The following TPCN1 variants were observed in gnomAD, a reference collection of about 807,000 sequenced individuals.
TPCN1 encodes two pore segment channel 1.
Under a neutral mutation model 108.8 loss-of-function variants are expected in TPCN1, and 52 were observed. The ratio of observed to expected loss-of-function variants is 0.48; its 90% CI spans 0.38 to 0.60. The LOEUF (loss-of-function observed/expected upper bound fraction) is 0.60. Ranked by LOEUF, TPCN1 falls within the 20% of genes least tolerant of loss-of-function variation. TPCN1 has a pLI of 0.00. For synonymous variants in TPCN1, 446 were observed against 433.7 expected (o/e 1.03, Z -0.35); for missense variants, 806 against 1,072.8 (o/e 0.75, Z 3.47).
rs1439081131 is a variant in TPCN1 at position 113,296,313 on chromosome 12, A to T, written c.*237A>T. On this transcript the variant is annotated 3_prime_UTR_variant, in exon 28 of 28. Coordinates refer to ENST00000335509, the MANE Select transcript of TPCN1 (RefSeq NM_017901.6). ...CGGCCACCAGGTCTGAGCTCTTCCT[A>T]CTGTGGAAGGCTCCAGAAGGCCCTT... 1.8e-6 allele frequency: 1 copy of T among 541,856 alleles called. No homozygotes were observed. The highest frequency in any genetic ancestry group is 3.2e-6 in the Non-Finnish European group (1 of 315,388). 33.6% of individuals were successfully genotyped at this position (541,856 alleles called of 1,614,324 possible).
At chr12:113,277,600 A>T (rs1314365572) in intron 12 of TPCN1, among the ~76,000 whole-genome samples, 4 of 152,210 alleles carry the variant, frequency 2.6e-5, no homozygotes, top group Non-Finnish European at 4.4e-5. Flanking sequence ...GGAGCTCATG[A>T]AGTGGACTGG....
intron 13 of TPCN1, among the ~76,000 whole-genome samples, chr12:113,278,502 T>C (rs1373179197): frequency 1.3e-5 from 2 of 152,244 alleles, no homozygotes. Context: ...TACTGAGCCT[T>C]TCTGAGGCTT....
intron 3 of TPCN1, among the ~76,000 whole-genome samples, chr12:113,261,442 G>A (rs1236278317): frequency 4.5e-5 from 1 of 22,132 alleles, no homozygotes; most frequent in South Asian, 1.2e-3. Flanking sequence ...TTCTTTTTTT[G>A]GAGACAGTCT....
Position 113,289,300 on chromosome 12 carries a change from C to T in TPCN1, c.1796+453C>T, listed in dbSNP as rs1019651084. On this transcript the variant is annotated intron_variant, in intron 21 of 27. Coordinates refer to ENST00000335509, the MANE Select transcript of TPCN1 (RefSeq NM_017901.6). The surrounding 1 kb of genome is among the most constrained non-coding windows in gnomAD (Gnocchi z 4.1). ...ATCTCCCATGAGCACTCCCTTTCTC[C>T]TGAGCCGCCACAGTGAAATCACTGC... is the stretch of plus-strand genomic sequence containing the variant. 6.6e-6 allele frequency among the ~76,000 whole-genome samples: 1 copy of T among 152,254 alleles called. No individual in the cohort carries two copies. The highest frequency in any genetic ancestry group is 2.4e-5 in the African/African-American group (1 of 41,472).
intron 2 of TPCN1, among the ~76,000 whole-genome samples, chr12:113,227,637 A>G (rs867562904): frequency 6.6e-6 from 1 of 152,182 alleles, no homozygotes; most frequent in African/African-American, 2.4e-5. Flanking sequence ...TCAGTTGCTC[A>G]GGCCTTGGGC....
chr12:113,248,334 G>C (rs1359709387), intron 2 of TPCN1, among the ~76,000 whole-genome samples: 1 of 152,218 alleles, frequency 6.6e-6, no homozygotes, highest in African/African-American at 2.4e-5. Flanking sequence ...TGTGTACAAC[G>C]CTGTTCTGGG....
In TPCN1 at chr12:113,257,048, A is replaced by T. The variant is rs73192827; in HGVS notation, c.113-3320A>T. ...AAAAGAGCTCTCAATTTAATAATAAAAAAAAAGAAAAAGGTGAAAGATCTG... is the reference window on the plus strand; with the variant it reads ...AAAAGAGCTCTCAATTTAATAATAATAAAAAAGAAAAAGGTGAAAGATCTG... On this transcript the variant is annotated intron_variant, in intron 2 of 27. Coordinates refer to ENST00000335509, the MANE Select transcript of TPCN1 (RefSeq NM_017901.6). Among the ~76,000 whole-genome samples, 952 of 152,332 alleles carry T rather than the reference A, an allele frequency of 6.2e-3. 4 individuals carry two copies. The highest frequency in any genetic ancestry group is 8.8e-3 in the Admixed American group (135 of 15,300).
At position 113,230,283 on chromosome 12, in the gene TPCN1, C is replaced by CTTTTT. The variant is rs71086152; in HGVS notation, c.112+3338_112+3342dup. ...CTACTAGGCCCTGAGATCCATTCAT[C>CTTTTT]TTTTTTTTTTTTTTTTTTTTTTTGA... On this transcript the variant is annotated intron_variant, in intron 2 of 27. Coordinates refer to ENST00000335509, the MANE Select transcript of TPCN1 (RefSeq NM_017901.6). Among the ~76,000 whole-genome samples, 193 of 108,958 alleles carry CTTTTT rather than the reference C, an allele frequency of 1.8e-3. 4 individuals carry two copies. Among genetic ancestry groups the CTTTTT allele is most frequent in the Non-Finnish European group, 2.6e-3 (139 of 53,598 alleles). 71.5% of individuals were successfully genotyped at this position (108,958 alleles called of 152,430 possible). A position where few individuals can be genotyped will look rare whatever the true frequency, so the allele number is the denominator to read the frequency against.
At chr12:113,279,343 A>ATG (rs1955787920) in intron 14 of TPCN1, among the ~76,000 whole-genome samples, 3 of 104,266 alleles carry the variant, frequency 2.9e-5, no homozygotes, top group African/African-American at 4.1e-5. Flanking sequence ...GTGTGTATAT[A>ATG]TATGTGTGTG....
At chr12:113,292,885 G>A in intron 25 of TPCN1, 49 bp from the exon 26 acceptor site, 1 of 1,583,514 alleles carries the variant, frequency 6.3e-7, no homozygotes, top group Non-Finnish European at 8.6e-7. Flanking sequence ...CAGCCAGGTT[G>A]GCAGCTGCAG....
intron 2 of TPCN1, among the ~76,000 whole-genome samples, chr12:113,259,168 G>A (rs904132618): frequency 5.9e-5 from 9 of 152,048 alleles, no homozygotes; most frequent in African/African-American, 2.2e-4. Context: ...GTAGAGTTGA[G>A]GTTTTGTCAT....
chr12:113,293,457 G>C, intron 27 of TPCN1, 108 bp downstream of exon 27: 1 of 1,061,480 alleles, frequency 9.4e-7, no homozygotes, highest in Non-Finnish European at 1.5e-6. Context: ...CTGGTAGAGA[G>C]ATGCAGACCG....
chr12:113,235,756 G>T (rs1305005244), intron 2 of TPCN1, among the ~76,000 whole-genome samples: 1 of 152,098 alleles, frequency 6.6e-6, no homozygotes, highest in African/African-American at 2.4e-5. Context: ...TAGGGGAGGT[G>T]GACATGGCTT....
Position 113,268,037 on chromosome 12 carries a change from C to A in TPCN1, c.528+81C>A. On this transcript the variant is annotated intron_variant, in intron 5 of 27. Coordinates refer to ENST00000335509, the MANE Select transcript of TPCN1 (RefSeq NM_017901.6). This position sits in a 1 kb window ranked among gnomAD's most constrained non-coding sequence, Gnocchi z 7.3. ...TCAAACCTGTCTCTTTGGTACAATT[C>A]AGAATCCACCATGGGCCCAGTCCAT... is the stretch of plus-strand genomic sequence containing the variant. 1 of 992,532 alleles carries A rather than the reference C, an allele frequency of 1.0e-6. No homozygotes were observed. The highest frequency in any genetic ancestry group is 1.6e-6 in the Non-Finnish European group (1 of 642,030). 61.5% of individuals were successfully genotyped at this position (992,532 alleles called of 1,614,324 possible). A position where few individuals can be genotyped will look rare whatever the true frequency, so the allele number is the denominator to read the frequency against.
chr12:113,281,275 G>A (rs1955879348), intron 15 of TPCN1, among the ~76,000 whole-genome samples: 2 of 152,142 alleles, frequency 1.3e-5, no homozygotes, highest in South Asian at 4.1e-4. Flanking sequence ...CCTGACCTCA[G>A]GTGGTCCACC....
intron 2 of TPCN1, among the ~76,000 whole-genome samples, chr12:113,238,989 C>T (rs536403801): frequency 2.7e-4 from 41 of 152,112 alleles, no homozygotes; most frequent in African/African-American, 9.6e-4. Context: ...AAAAAGTTAG[C>T]CAGGTGTGGT....
In TPCN1 at chr12:113,288,168, T is replaced by C; in HGVS notation, c.1640T>C (p.Phe547Ser). ...CGGGTGTCCTCCTCGCTCAGGTTGT[T>C]TAAGTTGAAGGAGCGCTACCGCAAC... Reference protein sequence around the residue: ...VLRPLQLLRLFKLKERYRNVL... With the variant: ...VLRPLQLLRLSKLKERYRNVL... The change falls in exon 20 of 28, where the codon TTT becomes TCT. Residue 547 changes from phenylalanine to serine, a missense_variant. Physicochemically the swap from Phe to Ser is radical, Grantham distance 155. Coordinates refer to ENST00000335509, the MANE Select transcript of TPCN1 (RefSeq NM_017901.6). This position sits in a 1 kb window ranked among gnomAD's most constrained non-coding sequence, Gnocchi z 4.8. The C allele has an allele frequency of 2.5e-6, 4 of 1,613,174 alleles. No homozygotes were observed. The highest frequency in any genetic ancestry group is 3.4e-6 in the Non-Finnish European group (4 of 1,179,488).
chr12:113,249,239 G>A (rs1036174081), intron 2 of TPCN1, among the ~76,000 whole-genome samples: 7 of 152,216 alleles, frequency 4.6e-5, no homozygotes, highest in East Asian at 1.9e-4. Flanking sequence ...AACCGGCCAC[G>A]TGTTCTCTTT....
rs1555260292 is a variant in TPCN1 at position 113,226,821 on chromosome 12, A to G, written c.-32A>G. On this transcript the variant is annotated 5_prime_UTR_variant, in exon 2 of 28. It adds an upstream start codon to the 5' untranslated region. Transcript: ENST00000335509. ...CCAGAGACTATTTCAAGCCCTGGAT[A>G]TCATATCCTGAGGGCCACAGGAGAA... 1 of 1,614,090 alleles carries G rather than the reference A, an allele frequency of 6.2e-7. No homozygotes were observed. Among genetic ancestry groups the G allele is most frequent in the South Asian group, 1.1e-5 (1 of 91,064 alleles).
Sources: allele counts gnomAD v4.1 joint callset (sites outside exome capture counted in the v4.1 genomes callset), GRCh38; gene constraint gnomAD v4.1.1; non-coding constraint Gnocchi (gnomAD v3.1); transcripts MANE v1.5; gene names NCBI Gene and HGNC (gene_info 2026-07-23, HGNC 2026-07-21).